Variants in CNOT1 observed in about 807,000 individuals in gnomAD.
CNOT1 encodes the protein CCR4-associated factor 1.
A neutral mutation model predicts 273.8 loss-of-function variants in CNOT1; 15 were observed. That is an observed-to-expected ratio of 0.05 (90% CI 0.04 to 0.08). The LOEUF (loss-of-function observed/expected upper bound fraction) is 0.08. CNOT1 is among the 10% of genes least tolerant of loss of function. The pLI is 1.00. For missense variants in CNOT1, 1,644 were observed against 2,912.2 expected, an observed-to-expected ratio of 0.56 and a Z score of 10.02; for synonymous variants, 1,022 against 1,005.5, an observed-to-expected ratio of 1.02 and a Z score of -0.31.
chr16:58,599,364 C>A lies in CNOT1; in HGVS notation c.-27G>T. 1.2e-6 allele frequency: 2 copies of A among 1,613,888 alleles called. No individual in the cohort carries two copies. Among genetic ancestry groups the A allele is most frequent in the Non-Finnish European group, 1.7e-6 (2 of 1,179,968 alleles). On this transcript the variant is annotated 5_prime_UTR_variant, in exon 2 of 49. Transcript: ENST00000317147. The stretch of plus-strand genomic sequence containing the variant: ...GCTGGTTGGGGCGGAAGCAGGCGGC[C>A]GAGCCCGGCGCAAAATCACCATTAT...
intron 2 of CNOT1, among the ~76,000 whole-genome samples, chr16:58,591,360 T>G (rs1223520547): frequency 6.6e-6 from 1 of 152,262 alleles, no homozygotes; most frequent in Non-Finnish European, 1.5e-5. Context: ...AAAATCCCGT[T>G]ATCCTTACAT....
intron 1 of CNOT1, among the ~76,000 whole-genome samples, chr16:58,610,373 G>A (rs1472696258): frequency 6.6e-6 from 1 of 151,980 alleles, no homozygotes; most frequent in Non-Finnish European, 1.5e-5. Context: ...ACCAATGCAC[G>A]CCAGCCTGGG....
chr16:58,587,526 G>T, intron 4 of CNOT1, 113 bp from the exon 5 acceptor site: 2 of 1,412,382 alleles, frequency 1.4e-6, no homozygotes, highest in Non-Finnish European at 9.6e-7. Flanking sequence ...TAATTCTGTA[G>T]TGTTACTAGA....
intron 2 of CNOT1, among the ~76,000 whole-genome samples, chr16:58,589,198 A>T (rs1277869625): frequency 6.6e-6 from 1 of 152,096 alleles, no homozygotes; most frequent in African/African-American, 2.4e-5. Flanking sequence ...CACTGCTTCC[A>T]GCTGTAATTC....
At chr16:58,536,625 AT>A (rs35237265) in intron 39 of CNOT1, among the ~76,000 whole-genome samples, 1,707 of 151,156 alleles carry the variant, frequency 0.011, 36 homozygotes, top group African/African-American at 0.04. Context: ...TTGTTTTGTC[AT>A]TTTTTTTTAA....
rs764820618 is a variant in CNOT1, at chr16:58,581,401, T to C, written c.1159A>G (p.Met387Val). 1.7e-4 allele frequency: 272 copies of C among 1,613,940 alleles called. No individual in the cohort carries two copies. Among genetic ancestry groups the C allele is most frequent in the Admixed American group, 3.7e-4 (22 of 59,970 alleles). ...ATGAGGTCTACTGGGAACACTTCCA[T>C]ACCCAAACCCCTCTGAATGCCATAA... ...VVYGIQRGLG[M>V]EVFPVDLIYR... is the part of the protein sequence containing the mutation. The change falls in exon 11 of 49, where the codon ATG (methionine) becomes GTG (valine). Residue 387 changes from methionine to valine, a missense_variant. Met to Val is a conservative substitution (Grantham distance 21). This residue lies in a region of CNOT1 where 706 missense variants were observed against 1,021.2 expected (regional missense o/e 0.69). Transcript: ENST00000317147.
At chr16:58,583,862 A>G (rs1400897866) in intron 8 of CNOT1, among the ~76,000 whole-genome samples, 1 of 151,970 alleles carries the variant, frequency 6.6e-6, no homozygotes, top group African/African-American at 2.4e-5. Flanking sequence ...AAAACAGGCA[A>G]ACAATTTTAA....
In CNOT1 at chr16:58,572,221, T is replaced by C. The variant is rs1332021311; in HGVS notation, c.1979+2388A>G. On this transcript the variant is annotated intron_variant, in intron 16 of 48. Coordinates refer to ENST00000317147, the MANE Select transcript of CNOT1 (RefSeq NM_016284.5). ...TCACTTGAACCCAGGAGGCGGAGGGTTGCGGTGAGCCGAGATCATGCCACT... is the reference window on the plus strand; with the variant it reads ...TCACTTGAACCCAGGAGGCGGAGGGCTGCGGTGAGCCGAGATCATGCCACT... 3.3e-5 allele frequency among the ~76,000 whole-genome samples: 5 copies of C among 151,536 alleles called. No homozygotes were observed. The South Asian group carries it at 1.0e-3, about 32-fold the overall frequency.
chr16:58,628,393 C>T (rs1039979659), intron 1 of CNOT1, among the ~76,000 whole-genome samples: 1 of 152,000 alleles, frequency 6.6e-6, no homozygotes, highest in Non-Finnish European at 1.5e-5. Flanking sequence ...GAATACCAAC[C>T]GGGACCACAG....
chr16:58,611,000 G>A (rs2042879961), intron 1 of CNOT1, among the ~76,000 whole-genome samples: 1 of 152,120 alleles, frequency 6.6e-6, no homozygotes, highest in Non-Finnish European at 1.5e-5. Context: ...GCACACCACT[G>A]CGCTCCAGCC....
intron 39 of CNOT1, among the ~76,000 whole-genome samples, chr16:58,535,707 T>C (rs965719497): frequency 6.6e-6 from 1 of 152,100 alleles, no homozygotes; most frequent in African/African-American, 2.4e-5. Flanking sequence ...GTAACATTCA[T>C]TTTGAAAAGT....
At chr16:58,565,046 C>T (rs1237226192) in intron 16 of CNOT1, among the ~76,000 whole-genome samples, 3 of 152,168 alleles carry the variant, frequency 2.0e-5, no homozygotes, top group Admixed American at 2.0e-4. Flanking sequence ...TTAACCTAAC[C>T]ATTATTTCTA....
intron 39 of CNOT1, among the ~76,000 whole-genome samples, chr16:58,534,881 A>G (rs1431627601): frequency 6.6e-6 from 1 of 152,256 alleles, no homozygotes; most frequent in Non-Finnish European, 1.5e-5. Context: ...CTACCCCCAG[A>G]AAAATCAATA....
At position 58,521,051 on chromosome 16, in the gene CNOT1, C is replaced by CAGTT; in HGVS notation, c.7053-19_7053-16dup. Reference sequence around the variant, plus strand: ...ACTGGAATAACCTGAAGGATGAAGACAGTTACAAATCTCTGATTAAAGAGT... The same window carrying CAGTT: ...ACTGGAATAACCTGAAGGATGAAGACAGTTAGTTACAAATCTCTGATTAAAGAGT... On this transcript the variant is annotated splice_polypyrimidine_tract_variant and intron_variant, in intron 48 of 48. Coordinates refer to ENST00000317147, the MANE Select transcript of CNOT1 (RefSeq NM_016284.5). 2 of 1,614,126 alleles carry CAGTT rather than the reference C, an allele frequency of 1.2e-6. No homozygotes were observed. Among genetic ancestry groups the CAGTT allele is most frequent in the South Asian group, 2.2e-5 (2 of 91,086 alleles).
At chr16:58,535,509 G>A (rs2039898739) in intron 39 of CNOT1, among the ~76,000 whole-genome samples, 1 of 152,200 alleles carries the variant, frequency 6.6e-6, no homozygotes, top group African/African-American at 2.4e-5. Context: ...CCAGCAGGAA[G>A]GGCTGAGACA....
At chr16:58,523,023 A>G (rs971796587) in intron 47 of CNOT1, 2 of 158,782 alleles carry the variant, frequency 1.3e-5, no homozygotes. Flanking sequence ...AGGCGGGTGG[A>G]TCACTTGAGG....
intron 33 of CNOT1, 100 bp from the exon 34 acceptor site, chr16:58,541,720 A>G (rs1255473613): frequency 1.2e-5 from 14 of 1,162,292 alleles, no homozygotes; most frequent in Non-Finnish European, 1.6e-5. Context: ...CAGGGACACA[A>G]GAGTCATTAC....
At chr16:58,604,773 C>A (rs1419003709) in intron 1 of CNOT1, among the ~76,000 whole-genome samples, 2 of 136,188 alleles carry the variant, frequency 1.5e-5, no homozygotes, top group Non-Finnish European at 3.1e-5. Context: ...CTCCAGCCTG[C>A]GCAACAAGAG....
At chr16:58,586,498 G>T in intron 7 of CNOT1, 47 bp downstream of exon 7, 3 of 1,565,166 alleles carry the variant, frequency 1.9e-6, no homozygotes, top group South Asian at 1.1e-5. Flanking sequence ...ATGTGTCTGT[G>T]GTCATCCAAG....
Sources: allele counts gnomAD v4.1 joint callset (sites outside exome capture counted in the v4.1 genomes callset), GRCh38; gene constraint gnomAD v4.1.1; regional missense constraint gnomAD v4.1.1; transcripts MANE v1.5; gene names NCBI Gene and HGNC (gene_info 2026-07-23, HGNC 2026-07-21).